Variants in NRDC observed in about 807,000 individuals in gnomAD.
NRDC encodes nardilysin.
In NRDC, 54 loss-of-function variants were observed where a neutral mutation model predicts 147.1. The ratio of observed to expected loss-of-function variants is 0.37; its 90% confidence interval spans 0.29 to 0.46. The LOEUF (loss-of-function observed/expected upper bound fraction) is 0.46, where lower values mean the gene tolerates loss of function less well. Among genes scored for constraint, NRDC ranks in the 20% least tolerant of loss-of-function variants. The probability of loss-of-function intolerance (pLI) is 1.00; values close to 1 mark genes in which losing one functional copy is unlikely to be tolerated. For missense variants in NRDC, 1,082 were observed against 1,370.6 expected, an observed-to-expected ratio of 0.79 and a Z score of 3.33; for synonymous variants, 440 against 482.1, an observed-to-expected ratio of 0.91 and a Z score of 1.14.
In NRDC at chr1:51,814,062, C is replaced by A; in HGVS notation, c.1647G>T (p.Glu549Asp). The A allele has an allele frequency of 6.2e-7, 1 of 1,604,028 alleles. No individual in the cohort carries two copies. The highest frequency in any genetic ancestry group is 8.5e-7 in the Non-Finnish European group (1 of 1,171,620). Reference protein sequence around the residue: ...KRIFEEIRKIEDNEFHYQEQT... With the variant: ...KRIFEEIRKIDDNEFHYQEQT... ...GTTCTTGGTAATGAAATTCATTATC[C>A]TCAATTTTCCGAATCTCTTCAAAAA... The change falls in exon 14 of 31, where the codon GAG becomes GAT. Residue 549 changes from glutamate to aspartate, a missense_variant. Glu to Asp is a conservative substitution (Grantham distance 45, BLOSUM62 2). Transcript: ENST00000352171.
At chr1:51,829,539 A>G (rs1680609414) in intron 4 of NRDC, among the ~76,000 whole-genome samples, 1 of 152,198 alleles carries the variant, frequency 6.6e-6, no homozygotes, top group South Asian at 2.1e-4. Context: ...TTTGGAAGTT[A>G]TTAGACTTTA....
chr1:51,825,987 C>T (rs1680427489), intron 5 of NRDC, among the ~76,000 whole-genome samples: 1 of 152,224 alleles, frequency 6.6e-6, no homozygotes, highest in South Asian at 2.1e-4. Flanking sequence ...AAAGAGACCT[C>T]AGAGTGCTCC....
chr1:51,847,683 G>T (rs961857336), intron 1 of NRDC, among the ~76,000 whole-genome samples: 2 of 152,162 alleles, frequency 1.3e-5, no homozygotes, highest in Non-Finnish European at 2.9e-5. Flanking sequence ...CCAAGCCCAC[G>T]CCCACCTGGA....
In NRDC at chr1:51,808,621, T is replaced by C. The variant is rs1201338800; in HGVS notation, c.1990+694A>G. Among the ~76,000 whole-genome samples, 5 of 152,302 alleles carry C rather than the reference T, an allele frequency of 3.3e-5. No individual in the cohort carries two copies. The East Asian group carries it at 9.6e-4, about 29-fold the overall frequency. On this transcript the variant is annotated intron_variant, in intron 17 of 30. Coordinates refer to ENST00000352171, the MANE Select transcript of NRDC (RefSeq NM_001101662.2). ...GTCCATGTATTTGTTTGAGTACCTG[T>C]TTTCAATTATTTTGGGTATATACTT...
intron 4 of NRDC, among the ~76,000 whole-genome samples, chr1:51,833,461 A>C (rs1159813500): frequency 6.6e-6 from 1 of 151,690 alleles, no homozygotes; most frequent in Non-Finnish European, 1.5e-5. Flanking sequence ...AAAAAAAGTC[A>C]TAATGAGTCA....
At chr1:51,810,438 A>G (rs752077838) in intron 15 of NRDC, 34 bp from the exon 16 acceptor site, 1 of 1,591,114 alleles carries the variant, frequency 6.3e-7, no homozygotes, top group Non-Finnish European at 8.6e-7. Flanking sequence ...AGAGATACAC[A>G]CAATTTTAAC....
At chr1:51,832,474 T>C (rs912770985) in intron 4 of NRDC, among the ~76,000 whole-genome samples, 3 of 152,224 alleles carry the variant, frequency 2.0e-5, no homozygotes, top group Non-Finnish European at 2.9e-5. Flanking sequence ...AATCTGAGTA[T>C]CTACCAAATT....
chr1:51,812,125 C>T (rs764639649), intron 14 of NRDC, 27 bp from the exon 15 acceptor site: 1 of 1,427,854 alleles, frequency 7.0e-7, no homozygotes, highest in Non-Finnish European at 9.9e-7. Context: ...TATTTCACAC[C>T]AGAACTTCTC....
intron 1 of NRDC, among the ~76,000 whole-genome samples, chr1:51,841,991 C>T (rs1203907337): frequency 1.3e-5 from 2 of 152,050 alleles, no homozygotes; most frequent in Admixed American, 6.6e-5. Flanking sequence ...GGCAACGTAG[C>T]GAAACCTCAT....
intron 1 of NRDC, among the ~76,000 whole-genome samples, chr1:51,854,048 A>G (rs150438123): frequency 5.1e-4 from 78 of 152,328 alleles, no homozygotes; most frequent in Non-Finnish European, 1.0e-3. Flanking sequence ...CCTGGGACTC[A>G]TGGATACCTT....
chr1:51,867,545 A>T (rs979759829), intron 1 of NRDC, among the ~76,000 whole-genome samples: 3 of 152,206 alleles, frequency 2.0e-5, no homozygotes, highest in African/African-American at 7.2e-5. Context: ...TAGATAATCC[A>T]AAATTTAGAA....
chr1:51,859,906 TTGTC>T (rs1301044097), intron 1 of NRDC: 1 of 163,986 alleles, frequency 6.1e-6, no homozygotes, highest in Non-Finnish European at 1.4e-5. Context: ...CTTATCTGCT[TTGTC>T]TGTACCGAGA....
At chr1:51,876,466 T>G (rs1408590544) in intron 1 of NRDC, among the ~76,000 whole-genome samples, 1 of 152,212 alleles carries the variant, frequency 6.6e-6, no homozygotes, top group Non-Finnish European at 1.5e-5. Flanking sequence ...TTTTTAATAA[T>G]TTTGTGCATG....
chr1:51,801,578 T>C (rs182222922), intron 20 of NRDC, among the ~76,000 whole-genome samples: 1 of 152,178 alleles, frequency 6.6e-6, no homozygotes, highest in East Asian at 1.9e-4. Flanking sequence ...GTATATGAGG[T>C]TTTCTAAGAA....
intron 1 of NRDC, among the ~76,000 whole-genome samples, chr1:51,853,138 C>T (rs1217329759): frequency 6.6e-6 from 1 of 151,790 alleles, no homozygotes; most frequent in Non-Finnish European, 1.5e-5. Context: ...GCAGGAGAAT[C>T]GCTTGAACCT....
chr1:51,817,961 T>C, intron 10 of NRDC, 105 bp downstream of exon 10: 1 of 770,732 alleles, frequency 1.3e-6, no homozygotes, highest in South Asian at 1.7e-5. Context: ...GTTACCGTAT[T>C]GCTATGTTTA....
intron 1 of NRDC, among the ~76,000 whole-genome samples, chr1:51,844,895 T>C (rs965975684): frequency 3.4e-5 from 5 of 146,386 alleles, no homozygotes; most frequent in Admixed American, 6.8e-5. Flanking sequence ...GGAAACCAAA[T>C]AGGCTGACAG....
chr1:51,846,331 C>T (rs1309102279), intron 1 of NRDC, among the ~76,000 whole-genome samples: 3 of 152,088 alleles, frequency 2.0e-5, no homozygotes, highest in African/African-American at 4.8e-5. Flanking sequence ...CCAGGCTGGT[C>T]TCAAATTCCT....
chr1:51,876,417 T>A (rs928537896), intron 1 of NRDC, among the ~76,000 whole-genome samples: 4 of 152,348 alleles, frequency 2.6e-5, no homozygotes, highest in African/African-American at 9.6e-5. Context: ...GGTTCATATA[T>A]ACCTTATACA....
Sources: allele counts gnomAD v4.1 joint callset (sites outside exome capture counted in the v4.1 genomes callset), GRCh38; gene constraint gnomAD v4.1.1; transcripts MANE v1.5; gene names NCBI Gene and HGNC (gene_info 2026-07-23, HGNC 2026-07-21).